SYT7: variants seen among roughly 807,000 people sequenced by gnomAD.
SYT7 encodes synaptotagmin-7.
Under a neutral mutation model 75.1 loss-of-function variants are expected in SYT7, and 29 were observed. The observed-to-expected ratio is 0.39, with a 90% CI of 0.29 to 0.53. The LOEUF (loss-of-function observed/expected upper bound fraction) is 0.53. Among genes scored for constraint, SYT7 ranks in the 20% least tolerant of loss-of-function variants. The pLI, the probability that SYT7 is intolerant of heterozygous loss-of-function variation, is 0.77. For synonymous variants in SYT7, 376 were observed against 401.7 expected (o/e 0.94, Z 0.76); for missense variants, 693 against 953.2 (o/e 0.73, Z 3.59).
chr11:61,519,889 C>T (rs1174374317), intron 12 of SYT7, among the ~76,000 whole-genome samples: 1 of 152,164 alleles, frequency 6.6e-6, no homozygotes, highest in Non-Finnish European at 1.5e-5. Context: ...GGCACGATCT[C>T]GACTCACTGC....
chr11:61,556,567 A>C (rs1163043488), intron 1 of SYT7, among the ~76,000 whole-genome samples: 1 of 152,048 alleles, frequency 6.6e-6, no homozygotes, highest in African/African-American at 2.4e-5. Context: ...CGTCCATCAA[A>C]TCCCTCCACA....
At chr11:61,550,259 G>A (rs1178530450) in intron 3 of SYT7, among the ~76,000 whole-genome samples, 1 of 151,964 alleles carries the variant, frequency 6.6e-6, no homozygotes, top group East Asian at 1.9e-4. Flanking sequence ...CCCCAAACAG[G>A]ATCAGTGCAA....
Position 61,580,737 on chromosome 11 carries a change from C to T in SYT7, c.31+53G>A. 3 of 1,167,210 alleles carry T rather than the reference C, an allele frequency of 2.6e-6. No homozygotes were observed. Among genetic ancestry groups the T allele is most frequent in the Middle Eastern group, 3.3e-4 (1 of 3,030 alleles). 72.3% of individuals were successfully genotyped at this position (1,167,210 alleles called of 1,614,324 possible). A position where few individuals can be genotyped will look rare whatever the true frequency, so the allele number is the denominator to read the frequency against. On this transcript the variant is annotated intron_variant, in intron 1 of 12. Coordinates refer to ENST00000539008, the MANE Select transcript of SYT7 (RefSeq NM_001365809.2). This position sits in a 1 kb window ranked among gnomAD's most constrained non-coding sequence, Gnocchi z 6.1. ...GCTCCGAGACGGCGTCCGGCGCTGC[C>T]GCTGTCCTGCCCGCCGGTGCGGGGC...
At chr11:61,528,394 T>C (rs527999678) in intron 8 of SYT7, among the ~76,000 whole-genome samples, 15 of 152,276 alleles carry the variant, frequency 9.9e-5, no homozygotes, top group African/African-American at 3.1e-4. Context: ...GAGACAGCCC[T>C]GTCTCCTGAA....
chr11:61,534,696 T>C (rs1240115860), intron 7 of SYT7, among the ~76,000 whole-genome samples: 1 of 151,986 alleles, frequency 6.6e-6, no homozygotes, highest in Non-Finnish European at 1.5e-5. Flanking sequence ...GGGCCCAACA[T>C]CCTGATTATC....
chr11:61,587,683 G>T, the SYT7 span, among the ~76,000 whole-genome samples: 1 of 152,232 alleles, frequency 6.6e-6, no homozygotes, highest in Non-Finnish European at 1.5e-5. Context: ...ATAGCTGAGC[G>T]CCCGCAAACG....
At position 61,546,842 on chromosome 11, in the gene SYT7, G is replaced by A. The variant is rs2063206652; in HGVS notation, c.347+335C>T. Among the ~76,000 whole-genome samples the A allele has an allele frequency of 6.6e-6, 1 of 152,004 alleles. No homozygotes were observed. The highest frequency in any genetic ancestry group is 2.4e-5 in the African/African-American group (1 of 41,364). On this transcript the variant is annotated intron_variant, in intron 4 of 12. Coordinates refer to ENST00000539008, the MANE Select transcript of SYT7 (RefSeq NM_001365809.2). This position sits in a 1 kb window ranked among gnomAD's most constrained non-coding sequence, Gnocchi z 7.6. ...AAGAAGCGACCACAACCGAGGGGGCGGGACCCAAACGGGCAACCCCATCCT... is the reference window on the plus strand; with the variant it reads ...AAGAAGCGACCACAACCGAGGGGGCAGGACCCAAACGGGCAACCCCATCCT...
chr11:61,580,638 C>T lies in SYT7; in HGVS notation c.31+152G>A, dbSNP rs2064233264. ...GGGGTCCGAGCCGCTGCCGCTCGAT[C>T]CCGCGCCCCCGGGGCTGGGATGACC... is the stretch of plus-strand genomic sequence containing the variant. On this transcript the variant is annotated intron_variant, in intron 1 of 12. Coordinates refer to ENST00000539008, the MANE Select transcript of SYT7 (RefSeq NM_001365809.2). The surrounding 1 kb of genome is among the most constrained non-coding windows in gnomAD (Gnocchi z 6.1). The T allele has an allele frequency of 2.4e-6, 1 of 416,752 alleles. No individual in the cohort carries two copies. Among genetic ancestry groups the T allele is most frequent in the Non-Finnish European group, 3.8e-6 (1 of 261,864 alleles). 25.8% of individuals were successfully genotyped at this position (416,752 alleles called of 1,614,324 possible). A position where few individuals can be genotyped will look rare whatever the true frequency, so the allele number is the denominator to read the frequency against.
chr11:61,551,313 G>C lies in SYT7; in HGVS notation c.215+71C>G. Reference sequence around the variant, plus strand: ...TGTGTGGTCAGGTCTGTGGGGCTGGGGGAGAGAAGGGGCTCCTCCCACCTG... The same window carrying C: ...TGTGTGGTCAGGTCTGTGGGGCTGGCGGAGAGAAGGGGCTCCTCCCACCTG... On this transcript the variant is annotated intron_variant, in intron 3 of 12. Transcript: ENST00000539008. The surrounding 1 kb of genome is among the most constrained non-coding windows in gnomAD (Gnocchi z 5.3). 1 of 1,418,538 alleles carries C rather than the reference G, an allele frequency of 7.0e-7. No individual in the cohort carries two copies. Among genetic ancestry groups the C allele is most frequent in the South Asian group, 1.2e-5 (1 of 86,156 alleles). 87.9% of individuals were successfully genotyped at this position (1,418,538 alleles called of 1,614,324 possible). A position where few individuals can be genotyped will look rare whatever the true frequency, so the allele number is the denominator to read the frequency against.
Position 61,546,668 on chromosome 11 carries a change from G to A in SYT7, c.348-413C>T, listed in dbSNP as rs1424361884. 2 of 462,228 alleles carry A rather than the reference G, an allele frequency of 4.3e-6. No homozygotes were observed. Among genetic ancestry groups the A allele is most frequent in the South Asian group, 3.1e-5 (2 of 64,576 alleles). The allele number at this position is 462,228 out of a possible 1,614,324, so 28.6% of individuals were successfully genotyped here. A position where few individuals can be genotyped will look rare whatever the true frequency, so the allele number is the denominator to read the frequency against. On this transcript the variant is annotated intron_variant, in intron 4 of 12. Coordinates refer to ENST00000539008, the MANE Select transcript of SYT7 (RefSeq NM_001365809.2). This position sits in a 1 kb window ranked among gnomAD's most constrained non-coding sequence, Gnocchi z 7.6. The stretch of plus-strand genomic sequence containing the variant: ...GACGGAGGAAGAGCGGGCTGTCCAG[G>A]CCAGGAGGCCCCAAGGCAGGGAGAA...
intron 1 of SYT7, among the ~76,000 whole-genome samples, chr11:61,565,234 C>T (rs544771024): frequency 2.0e-5 from 3 of 152,246 alleles, no homozygotes; most frequent in Admixed American, 6.5e-5. Flanking sequence ...ACCCTCCATG[C>T]GCATGCTGAG....
intron 8 of SYT7, among the ~76,000 whole-genome samples, chr11:61,531,714 T>C (rs79203294): frequency 6.6e-6 from 1 of 151,678 alleles, no homozygotes; most frequent in East Asian, 1.9e-4. Context: ...GCCAACATGG[T>C]GAAACCCCGT....
chr11:61,542,723 C>A lies in SYT7; in HGVS notation c.573-144G>T. The A allele has an allele frequency of 7.4e-7, 1 of 1,346,234 alleles. No individual in the cohort carries two copies. The highest frequency in any genetic ancestry group is 1.8e-5 in the South Asian group (1 of 56,260). The allele number at this position is 1,346,234 out of a possible 1,614,324, so 83.4% of individuals were successfully genotyped here. ...CTCGCCAGGCCTCCATCGGAGCTGT[C>A]GCCACCGCCGTCGCCGCCACTGCCT... On this transcript the variant is annotated intron_variant, in intron 5 of 12. Coordinates refer to ENST00000539008, the MANE Select transcript of SYT7 (RefSeq NM_001365809.2). This position sits in a 1 kb window ranked among gnomAD's most constrained non-coding sequence, Gnocchi z 7.8.
At chr11:61,533,992 G>A (rs903725822) in intron 7 of SYT7, among the ~76,000 whole-genome samples, 2 of 152,066 alleles carry the variant, frequency 1.3e-5, no homozygotes, top group Admixed American at 1.3e-4. Context: ...CCGTTCCCAG[G>A]ATGCTGGGTT....
chr11:61,562,278 T>A (rs1388435734), intron 1 of SYT7, among the ~76,000 whole-genome samples: 1 of 152,198 alleles, frequency 6.6e-6, no homozygotes, highest in Non-Finnish European at 1.5e-5. Context: ...GAATAGTGAT[T>A]AGTGCCAGGC....
intron 8 of SYT7, chr11:61,531,203 ACT>A (rs772299420): frequency 5.4e-5 from 50 of 918,070 alleles, no homozygotes; most frequent in Non-Finnish European, 6.1e-5. Context: ...GTGCAATTAG[ACT>A]CTGCCCTCCC....
chr11:61,517,561 C>T lies in SYT7; in HGVS notation c.*1066G>A. On this transcript the variant is annotated 3_prime_UTR_variant, in exon 13 of 13. Coordinates refer to ENST00000539008, the MANE Select transcript of SYT7 (RefSeq NM_001365809.2). ...AAAGAAGGGTGGAGGTCTGCACAGGCAGGGAGAGATGAGGAAGGGCAGGCA... is the reference window on the plus strand; with the variant it reads ...AAAGAAGGGTGGAGGTCTGCACAGGTAGGGAGAGATGAGGAAGGGCAGGCA... 1 of 399,492 alleles carries T rather than the reference C, an allele frequency of 2.5e-6. No individual in the cohort carries two copies. Among genetic ancestry groups the T allele is most frequent in the Non-Finnish European group, 4.4e-6 (1 of 226,724 alleles). 24.7% of individuals were successfully genotyped at this position (399,492 alleles called of 1,614,324 possible).
chr11:61,514,867 C>T lies in SYT7; in HGVS notation c.*3760G>A, dbSNP rs2062113487. On this transcript the variant is annotated 3_prime_UTR_variant, in exon 13 of 13. Coordinates refer to ENST00000539008, the MANE Select transcript of SYT7 (RefSeq NM_001365809.2). ...TCTTTCCTTTTCCCACCTCAGGGACCAGGAAGGAGGCGCTGGCCTGAAACT... is the reference window on the plus strand; with the variant it reads ...TCTTTCCTTTTCCCACCTCAGGGACTAGGAAGGAGGCGCTGGCCTGAAACT... Among the ~76,000 whole-genome samples, 1 of 152,192 alleles carries T rather than the reference C, an allele frequency of 6.6e-6. No homozygotes were observed. Among genetic ancestry groups the T allele is most frequent in the Non-Finnish European group, 1.5e-5 (1 of 68,028 alleles).
chr11:61,545,183 C>A (rs1169388963), intron 5 of SYT7, among the ~76,000 whole-genome samples: 1 of 152,226 alleles, frequency 6.6e-6, no homozygotes, highest in East Asian at 1.9e-4. Context: ...AGGGGATATA[C>A]TGTCTGTGGA....
Sources: allele counts gnomAD v4.1 joint callset (sites outside exome capture counted in the v4.1 genomes callset), GRCh38; gene constraint gnomAD v4.1.1; non-coding constraint Gnocchi (gnomAD v3.1); transcripts MANE v1.5; gene names NCBI Gene and HGNC (gene_info 2026-07-23, HGNC 2026-07-21).